Variants in CA11 observed in about 807,000 individuals in gnomAD.
CA11 encodes the protein carbonic anhydrase-related protein 11.
A neutral mutation model predicts 39.3 loss-of-function variants in CA11; 20 were observed. The observed-to-expected ratio is 0.51, with a 90% CI of 0.36 to 0.74. The LOEUF is 0.74. Among genes scored for constraint, CA11 ranks in the 30% least tolerant of loss-of-function variants. The pLI is 0.00. For synonymous variants in CA11, 166 were observed against 172.5 expected, an observed-to-expected ratio of 0.96 and a Z score of 0.29; for missense variants, 336 against 424.6, an observed-to-expected ratio of 0.79 and a Z score of 1.83.
intron 3 of CA11, among the ~76,000 whole-genome samples, chr19:48,640,650 A>C (rs2031046060): frequency 6.7e-6 from 1 of 149,436 alleles, no homozygotes; most frequent in Non-Finnish European, 1.5e-5. Flanking sequence ...CTGGGATTAC[A>C]GGCGTGAGCC....
In CA11 at chr19:48,643,245, T is replaced by C. The variant is rs1034359034; in HGVS notation, c.285+1182A>G. Among the ~76,000 whole-genome samples the C allele has an allele frequency of 2.0e-5, 3 of 152,156 alleles. No homozygotes were observed. Among genetic ancestry groups the C allele is most frequent in the Non-Finnish European group, 4.4e-5 (3 of 68,028 alleles). On this transcript the variant is annotated intron_variant, in intron 3 of 8. Transcript: ENST00000084798. This position sits in a 1 kb window ranked among gnomAD's most constrained non-coding sequence, Gnocchi z 4.3. ...TTCTTTCTGAGATGGAGTCTTGTTCTGTCACCCAGGCTGGAGTCCAGTGGC... is the reference window on the plus strand; with the variant it reads ...TTCTTTCTGAGATGGAGTCTTGTTCCGTCACCCAGGCTGGAGTCCAGTGGC...
intron 4 of CA11, 73 bp downstream of exon 4, chr19:48,640,022 T>C: frequency 6.5e-7 from 1 of 1,539,766 alleles, no homozygotes; most frequent in Non-Finnish European, 8.9e-7. Context: ...GGTGAGACAC[T>C]AAGAGGGTGA....
In CA11 at chr19:48,639,285, C is replaced by T. The variant is rs775227660; in HGVS notation, c.795+20G>A. ...GTGGAGTACCCAGGCCTAGGAAGGG[C>T]GGTGCGGACAGAGGGTCACCTGAAG... On this transcript the variant is annotated intron_variant, in intron 7 of 8. Coordinates refer to ENST00000084798, the MANE Select transcript of CA11 (RefSeq NM_001217.5). The T allele has an allele frequency of 1.2e-5, 20 of 1,611,430 alleles. No homozygotes were observed. In the African/African-American group the frequency reaches 2.1e-4, roughly 17 times the overall value.
At chr19:48,642,486 G>A (rs1431532530) in intron 3 of CA11, among the ~76,000 whole-genome samples, 2 of 152,108 alleles carry the variant, frequency 1.3e-5, no homozygotes, top group Non-Finnish European at 2.9e-5. Context: ...GCGACAGAGC[G>A]AGACTCCGAC....
chr19:48,645,788 GACTGA>G lies in CA11; in HGVS notation c.-161_-157del, dbSNP rs144709603. The G allele has an allele frequency of 6.4e-3, 3,648 of 570,886 alleles. 65 individuals carry two copies. The highest frequency in any genetic ancestry group is 0.049 in the African/African-American group (2,518 of 51,282). 35.4% of individuals were successfully genotyped at this position (570,886 alleles called of 1,614,324 possible). ...TTCCCCAAATGCCAAAGCAGCCAGGGACTGAGATCCGCCCTTCAAACCCACTCTTC... is the reference window on the plus strand; with the variant it reads ...TTCCCCAAATGCCAAAGCAGCCAGGGGATCCGCCCTTCAAACCCACTCTTC... On this transcript the variant is annotated 5_prime_UTR_variant, in exon 1 of 9. Coordinates refer to ENST00000084798, the MANE Select transcript of CA11 (RefSeq NM_001217.5).
chr19:48,640,000 G>A, intron 4 of CA11, 95 bp downstream of exon 4: 1 of 1,506,884 alleles, frequency 6.6e-7, no homozygotes, highest in Non-Finnish European at 9.1e-7. Flanking sequence ...CCAGTTCTGT[G>A]GAGGAGGATG....
chr19:48,638,690 G>GGCTA (rs770802459), intron 8 of CA11, among the ~76,000 whole-genome samples, 198 bp downstream of exon 8: 1 of 152,108 alleles, frequency 6.6e-6, no homozygotes, highest in Non-Finnish European at 1.5e-5. Context: ...ACAAATCGTG[G>GGCTA]GCTAGCAATG....
rs1477436147 is a variant in CA11, at chr19:48,645,458, A to C, written c.87T>G (p.Pro29=). ...TGTAGCTCCACCAGTCCTCGGGGTC[A>C]GGTGCTGGTCCGATGTGAGCTGGGA... ...LGAAAHIGPA[P]DPEDWWSYKD... The change falls in exon 2 of 9, where the codon CCT becomes CCG. Residue 29 remains proline, a synonymous_variant. Transcript: ENST00000084798. 1.1e-5 allele frequency: 18 copies of C among 1,603,032 alleles called. No individual in the cohort carries two copies. Among genetic ancestry groups the C allele is most frequent in the Non-Finnish European group, 1.4e-5 (17 of 1,174,322 alleles).
Position 48,639,852 on chromosome 19 carries a change from T to C in CA11, c.503A>G (p.Tyr168Cys). 6.2e-7 allele frequency: 1 copy of C among 1,614,014 alleles called. No individual in the cohort carries two copies. Among genetic ancestry groups the C allele is most frequent in the Non-Finnish European group, 8.5e-7 (1 of 1,180,004 alleles). ...VQLIHFNQEL[Y>C]GNFSAASRGP... ...GCGGGAGGCAGCGCTGAAATTCCCG[T>C]AGAGTTCCTGGTTGAAGTGAATGAG... Residue 168 changes from tyrosine to cysteine, a missense_variant, in exon 5 of 9, where the codon TAC becomes TGC. Coordinates refer to ENST00000084798, the MANE Select transcript of CA11 (RefSeq NM_001217.5).
At chr19:48,640,744 C>T (rs1275422654) in intron 3 of CA11, among the ~76,000 whole-genome samples, 1 of 145,352 alleles carries the variant, frequency 6.9e-6, no homozygotes, top group Non-Finnish European at 1.5e-5. Context: ...GCGAGAGCTC[C>T]GCTCACTGCA....
At chr19:48,640,499 C>G (rs1346882177) in intron 3 of CA11, among the ~76,000 whole-genome samples, 1 of 147,274 alleles carries the variant, frequency 6.8e-6, no homozygotes, top group Non-Finnish European at 1.5e-5. Context: ...CTCAGCCTTC[C>G]GAGTAGCTGG....
rs973540246 is a variant in CA11 at position 48,643,840 on chromosome 19, T to C, written c.285+587A>G. ...TGGACGCAGTGGCTCATGCCTGTAA[T>C]CCTAGCACTTTGGGAGGCCGAGGCA... On this transcript the variant is annotated intron_variant, in intron 3 of 8. Transcript: ENST00000084798. This position sits in a 1 kb window ranked among gnomAD's most constrained non-coding sequence, Gnocchi z 4.3. Among the ~76,000 whole-genome samples, 4 of 152,122 alleles carry C rather than the reference T, an allele frequency of 2.6e-5. No homozygotes were observed. Among genetic ancestry groups the C allele is most frequent in the African/African-American group, 9.6e-5 (4 of 41,508 alleles).
chr19:48,637,963 T>G lies in CA11; in HGVS notation c.*156A>C. ...AAGATTGGTTTCCGGAAGAAGTCTGTTCTTTAATACCCAAATGTTTCCCCA... is the reference window on the plus strand; with the variant it reads ...AAGATTGGTTTCCGGAAGAAGTCTGGTCTTTAATACCCAAATGTTTCCCCA... On this transcript the variant is annotated 3_prime_UTR_variant, in exon 9 of 9. Transcript: ENST00000084798. 1 of 463,932 alleles carries G rather than the reference T, an allele frequency of 2.2e-6. No individual in the cohort carries two copies. The highest frequency in any genetic ancestry group is 5.3e-5 in the South Asian group (1 of 18,930). 28.7% of individuals were successfully genotyped at this position (463,932 alleles called of 1,614,324 possible). A position where few individuals can be genotyped will look rare whatever the true frequency, so the allele number is the denominator to read the frequency against.
Position 48,645,698 on chromosome 19 carries a change from C to T in CA11, c.-66G>A. 1 of 1,300,032 alleles carries T rather than the reference C, an allele frequency of 7.7e-7. No individual in the cohort carries two copies. The highest frequency in any genetic ancestry group is 1.5e-5 in the South Asian group (1 of 66,080). The allele number at this position is 1,300,032 out of a possible 1,614,324, so 80.5% of individuals were successfully genotyped here. On this transcript the variant is annotated 5_prime_UTR_variant, in exon 1 of 9. Coordinates refer to ENST00000084798, the MANE Select transcript of CA11 (RefSeq NM_001217.5). ...CCCCCTCTCTCAGCTCCTCTGTCCC[C>T]TCCTTCTGGGACCCTGTCCCTCCAG...
intron 4 of CA11, 62 bp from the exon 5 acceptor site, chr19:48,639,945 T>C: frequency 3.2e-6 from 5 of 1,548,958 alleles, no homozygotes; most frequent in African/African-American, 1.4e-5. Flanking sequence ...GACCCCAGCT[T>C]TGGGGGCCCG....
chr19:48,639,957 A>C, intron 4 of CA11, 74 bp from the exon 5 acceptor site: 2 of 1,535,094 alleles, frequency 1.3e-6, no homozygotes, highest in South Asian at 2.3e-5. Context: ...GGGGGCCCGA[A>C]TCAGGCTGAG....
rs1487026293 is a variant in CA11 at position 48,638,021 on chromosome 19, G to T, written c.*98C>A. The stretch of plus-strand genomic sequence containing the variant: ...TAGAATCAGACCACTGAGAAAACAG[G>T]AAGTATTCTGTCCCTTTAATAGCTT... On this transcript the variant is annotated 3_prime_UTR_variant, in exon 9 of 9. Coordinates refer to ENST00000084798, the MANE Select transcript of CA11 (RefSeq NM_001217.5). The T allele has an allele frequency of 2.4e-6, 2 of 831,186 alleles. No homozygotes were observed. The highest frequency in any genetic ancestry group is 4.7e-5 in the South Asian group (2 of 42,782). 51.5% of individuals were successfully genotyped at this position (831,186 alleles called of 1,614,324 possible). A position where few individuals can be genotyped will look rare whatever the true frequency, so the allele number is the denominator to read the frequency against.
chr19:48,645,353 G>A (rs2031215092), intron 2 of CA11, 50 bp downstream of exon 2: 1 of 1,516,760 alleles, frequency 6.6e-7, no homozygotes, highest in African/African-American at 1.4e-5. Context: ...TGAGTCTGAA[G>A]AAGGAGGCGC....
rs1476068050 is a variant in CA11 at position 48,638,008 on chromosome 19, ACT to A, written c.*109_*110del. 5 of 729,952 alleles carry A rather than the reference ACT, an allele frequency of 6.8e-6. No individual in the cohort carries two copies. The highest frequency in any genetic ancestry group is 8.3e-6 in the Non-Finnish European group (4 of 481,578). 45.2% of individuals were successfully genotyped at this position (729,952 alleles called of 1,614,324 possible). A position where few individuals can be genotyped will look rare whatever the true frequency, so the allele number is the denominator to read the frequency against. ...TCCCCACCGCGCCTAGAATCAGACC[ACT>A]GAGAAAACAGGAAGTATTCTGTCCC... On this transcript the variant is annotated 3_prime_UTR_variant, in exon 9 of 9. Coordinates refer to ENST00000084798, the MANE Select transcript of CA11 (RefSeq NM_001217.5).
Sources: allele counts gnomAD v4.1 joint callset (sites outside exome capture counted in the v4.1 genomes callset), GRCh38; gene constraint gnomAD v4.1.1; non-coding constraint Gnocchi (gnomAD v3.1); transcripts MANE v1.5; gene names NCBI Gene and HGNC (gene_info 2026-07-23, HGNC 2026-07-21).